C2CD5: variants seen among roughly 807,000 people sequenced by gnomAD.
The protein encoded by C2CD5 is C2 domain-containing protein 5.
In C2CD5, 109 loss-of-function variants were observed where a neutral mutation model predicts 130.3. That is an observed-to-expected ratio of 0.84 (90% CI 0.72 to 0.98). The LOEUF (loss-of-function observed/expected upper bound fraction) is 0.98. Ranked by LOEUF, C2CD5 falls within the 50% of genes least tolerant of loss-of-function variation. C2CD5 has a pLI of 0.00. For missense variants in C2CD5, 996 were observed against 1,261.8 expected, an observed-to-expected ratio of 0.79 and a Z score of 3.19; for synonymous variants, 454 against 429.2, an observed-to-expected ratio of 1.06 and a Z score of -0.71.
chr12:22,449,605 A>G lies in C2CD5; in HGVS notation c.*155T>C. Reference sequence around the variant, plus strand: ...GCAAACAAAATGTCAAGATTAGAAAATTCTCATGCCTCCAAAAGACTCCAG... The same window carrying G: ...GCAAACAAAATGTCAAGATTAGAAAGTTCTCATGCCTCCAAAAGACTCCAG... On this transcript the variant is annotated 3_prime_UTR_variant, in exon 27 of 27. Transcript: ENST00000446597. 1 of 630,640 alleles carries G rather than the reference A, an allele frequency of 1.6e-6. No individual in the cohort carries two copies. Among genetic ancestry groups the G allele is most frequent in the Middle Eastern group, 4.6e-4 (1 of 2,190 alleles). The allele number at this position is 630,640 out of a possible 1,614,324, so 39.1% of individuals were successfully genotyped here. A position where few individuals can be genotyped will look rare whatever the true frequency, so the allele number is the denominator to read the frequency against.
intron 10 of C2CD5, among the ~76,000 whole-genome samples, chr12:22,498,521 T>C (rs77846703): frequency 6.5e-4 from 99 of 152,360 alleles, no homozygotes; most frequent in African/African-American, 2.3e-3. Flanking sequence ...CTTATTTTTA[T>C]AGGACATAAC....
intron 25 of C2CD5, among the ~76,000 whole-genome samples, chr12:22,454,785 A>C (rs189494282): frequency 2.8e-4 from 42 of 152,300 alleles, no homozygotes; most frequent in Admixed American, 2.6e-3. Flanking sequence ...CTCCAGTTCT[A>C]CTAGACTGTA....
At position 22,449,727 on chromosome 12, in the gene C2CD5, T is replaced by C; in HGVS notation, c.*33A>G. 6.6e-7 allele frequency: 1 copy of C among 1,526,332 alleles called. No homozygotes were observed. Among genetic ancestry groups the C allele is most frequent in the Non-Finnish European group, 9.0e-7 (1 of 1,116,828 alleles). The allele number at this position is 1,526,332 out of a possible 1,614,324, so 94.5% of individuals were successfully genotyped here. On this transcript the variant is annotated 3_prime_UTR_variant, in exon 27 of 27. Transcript: ENST00000446597. ...ACAAAATAACAGAGATTGATGAATT[T>C]CATTTAGTTGAGCTCTTTTTTCCTA...
intron 12 of C2CD5, among the ~76,000 whole-genome samples, chr12:22,485,979 G>A (rs950613236): frequency 9.9e-5 from 15 of 151,812 alleles, no homozygotes; most frequent in Middle Eastern, 6.8e-3. Context: ...AGCATTATAC[G>A]AGTCAAATGC....
chr12:22,510,163 C>T (rs1949030098), intron 9 of C2CD5, among the ~76,000 whole-genome samples: 1 of 152,098 alleles, frequency 6.6e-6, no homozygotes, highest in Non-Finnish European at 1.5e-5. Flanking sequence ...TGAGATCATG[C>T]CATTGCCCTC....
chr12:22,471,953 C>T lies in C2CD5; in HGVS notation c.2268+14G>A, dbSNP rs1187912945. On this transcript the variant is annotated intron_variant, in intron 19 of 26. Coordinates refer to ENST00000446597, the MANE Select transcript of C2CD5 (RefSeq NM_001286176.2). The stretch of plus-strand genomic sequence containing the variant: ...ATAGACGCATGAAATAAAATTTAGT[C>T]AGAAGGTTCCTACCTTGAGCAAATT... The T allele has an allele frequency of 1.4e-6, 2 of 1,401,368 alleles. No individual in the cohort carries two copies. The highest frequency in any genetic ancestry group is 1.0e-6 in the Non-Finnish European group (1 of 987,210). The allele number at this position is 1,401,368 out of a possible 1,614,324, so 86.8% of individuals were successfully genotyped here. A position where few individuals can be genotyped will look rare whatever the true frequency, so the allele number is the denominator to read the frequency against.
At position 22,524,603 on chromosome 12, in the gene C2CD5, C is replaced by G. The variant is rs781125704; in HGVS notation, c.470G>C (p.Arg157Thr). Reference sequence around the variant, plus strand: ...TACAAATCCATGAATTATCACAGCTCTATAGCATTTTGGAATAGACGTTGC... The same window carrying G: ...TACAAATCCATGAATTATCACAGCTGTATAGCATTTTGGAATAGACGTTGC... ...FCTTSIPKCY[R>T]AVIIHGFVEE... The change falls in exon 6 of 27, where the codon AGA (arginine) becomes ACA (threonine). Residue 157 changes from arginine to threonine, a missense_variant. Physicochemically the swap from Arg to Thr is moderately conservative, Grantham distance 71. Transcript: ENST00000446597. 8.7e-6 allele frequency: 14 copies of G among 1,612,922 alleles called. No homozygotes were observed. Among genetic ancestry groups the G allele is most frequent in the South Asian group, 4.4e-5 (4 of 90,890 alleles).
chr12:22,502,109 G>A (rs917843180), intron 10 of C2CD5, among the ~76,000 whole-genome samples: 2 of 151,852 alleles, frequency 1.3e-5, no homozygotes, highest in Non-Finnish European at 2.9e-5. Flanking sequence ...CACTATCGTA[G>A]TCTGTTTATT....
In C2CD5 at chr12:22,508,071, C is replaced by A. The variant is rs186854398; in HGVS notation, c.1039-1252G>T. Among the ~76,000 whole-genome samples, 5 of 152,280 alleles carry A rather than the reference C, an allele frequency of 3.3e-5. No individual in the cohort carries two copies. The East Asian group carries it at 9.6e-4, about 29-fold the overall frequency. ...AGCAGCAAGAATTATTCACTGGCTGCTTCAAGCATGGAGAATACAAACTCA... is the reference window on the plus strand; with the variant it reads ...AGCAGCAAGAATTATTCACTGGCTGATTCAAGCATGGAGAATACAAACTCA... On this transcript the variant is annotated intron_variant, in intron 9 of 26. Transcript: ENST00000446597.
intron 10 of C2CD5, among the ~76,000 whole-genome samples, chr12:22,503,750 G>A (rs982708774): frequency 1.3e-5 from 2 of 152,144 alleles, no homozygotes; most frequent in Non-Finnish European, 1.5e-5. Flanking sequence ...GAGCTCATGC[G>A]ATCTGCCCGC....
Position 22,544,054 on chromosome 12 carries a change from C to G in C2CD5, c.90+7G>C, listed in dbSNP as rs760889123. The G allele has an allele frequency of 6.2e-7, 1 of 1,606,090 alleles. No individual in the cohort carries two copies. Among genetic ancestry groups the G allele is most frequent in the Non-Finnish European group, 8.5e-7 (1 of 1,173,194 alleles). On this transcript the variant is annotated splice_region_variant and intron_variant, in intron 2 of 26. Transcript: ENST00000446597. ...CTGTGTTTTGAGGGGCAGGACCCTGCACCAACCTCCACGAAGGCATCAGTC... is the reference window on the plus strand; with the variant it reads ...CTGTGTTTTGAGGGGCAGGACCCTGGACCAACCTCCACGAAGGCATCAGTC...
chr12:22,487,335 C>A (rs1173711220), intron 12 of C2CD5, among the ~76,000 whole-genome samples: 1 of 151,228 alleles, frequency 6.6e-6, no homozygotes, highest in African/African-American at 2.4e-5. Context: ...CCAGAATCTA[C>A]AATGAACTCA....
chr12:22,458,575 A>T lies in C2CD5; in HGVS notation c.2595T>A (p.Val865=). ...ATCTGTCTGCAAAGGAACTGTAATC[A>T]ACTGACGTTGCTGAAAACACAGACA... ...GIPAAQRATS[V]DYSSFADRCS... Residue 865 remains valine, a synonymous_variant, in exon 24 of 27, where the codon GTT becomes GTA. Coordinates refer to ENST00000446597, the MANE Select transcript of C2CD5 (RefSeq NM_001286176.2). 1 of 1,272,896 alleles carries T rather than the reference A, an allele frequency of 7.9e-7. No individual in the cohort carries two copies. The highest frequency in any genetic ancestry group is 9.9e-7 in the Non-Finnish European group (1 of 1,007,404). The allele number at this position is 1,272,896 out of a possible 1,614,324, so 78.9% of individuals were successfully genotyped here.
At chr12:22,458,778 T>C in intron 23 of C2CD5, 193 bp from the exon 24 acceptor site, 1 of 339,770 alleles carries the variant, frequency 2.9e-6, no homozygotes, top group Non-Finnish European at 5.3e-6. Context: ...AACCAAGTTC[T>C]CAGTTAGCAG....
chr12:22,455,042 T>C (rs1482038294), intron 25 of C2CD5, among the ~76,000 whole-genome samples: 2 of 152,160 alleles, frequency 1.3e-5, no homozygotes, highest in Non-Finnish European at 2.9e-5. Context: ...AGGAGGAAAT[T>C]TCCAACTTTA....
At chr12:22,517,016 T>TA (rs1255181169) in intron 8 of C2CD5, among the ~76,000 whole-genome samples, 3 of 151,952 alleles carry the variant, frequency 2.0e-5, no homozygotes, top group Admixed American at 2.0e-4. Context: ...ACTTCATTTA[T>TA]AAAAACAGAA....
chr12:22,523,564 C>T lies in C2CD5; in HGVS notation c.662G>A (p.Gly221Glu). The part of the protein sequence containing the change: ...VLEMRGNAVV[G>E]YLQCFDLEGE... Reference sequence around the variant, plus strand: ...CTCCAGATCGAAACACTGTAAGTACCCCACAACTGCATTTCCTCTCATTTC... The same window carrying T: ...CTCCAGATCGAAACACTGTAAGTACTCCACAACTGCATTTCCTCTCATTTC... The change falls in exon 7 of 27, where the codon GGG (glycine) becomes GAG (glutamate). Residue 221 changes from glycine (G) to glutamate (E), a missense_variant. By Grantham distance (98) the Gly-to-Glu change is moderately conservative. This residue lies in a region of C2CD5 where 26 missense variants were observed against 56.6 expected (regional missense o/e 0.46). Transcript: ENST00000446597. 1.9e-6 allele frequency: 3 copies of T among 1,613,882 alleles called. No homozygotes were observed. Among genetic ancestry groups the T allele is most frequent in the Non-Finnish European group, 2.5e-6 (3 of 1,179,958 alleles).
intron 12 of C2CD5, among the ~76,000 whole-genome samples, chr12:22,488,875 CTTTT>C (rs149777462): frequency 2.2e-5 from 3 of 137,728 alleles, no homozygotes; most frequent in Non-Finnish European, 4.8e-5. Flanking sequence ...AATTTTTTTG[CTTTT>C]TTTTTTTTTT....
intron 22 of C2CD5, among the ~76,000 whole-genome samples, chr12:22,467,660 T>C (rs778187295): frequency 6.6e-6 from 1 of 152,180 alleles, no homozygotes; most frequent in African/African-American, 2.4e-5. Flanking sequence ...GCCTAATCCA[T>C]AGCAGAACTG....
Sources: gnomAD v4.1 joint callset for allele counts (sites outside exome capture counted in the v4.1 genomes callset) on GRCh38, gnomAD v4.1.1 for gene constraint, gnomAD v4.1.1 regional missense constraint, MANE v1.5 for transcripts, NCBI Gene and HGNC (gene_info 2026-07-23, HGNC 2026-07-21) for gene names.